Variants in STKLD1 observed in about 807,000 individuals in gnomAD.
STKLD1 encodes serine/threonine kinase-like domain-containing protein STKLD1.
STKLD1 carries 79 observed loss-of-function variants against 80.4 expected under a neutral mutation model. The ratio of observed to expected loss-of-function variants is 0.98; its 90% CI spans 0.82 to 1.19. STKLD1 has a LOEUF of 1.19. Ranked by LOEUF, STKLD1 falls within the 50% of genes most tolerant of loss-of-function variation. The probability of loss-of-function intolerance (pLI) is 0.00; values close to 1 mark genes in which losing one functional copy is unlikely to be tolerated. For synonymous variants in STKLD1, 393 were observed against 357.6 expected (o/e 1.10, Z -1.12); for missense variants, 841 against 856.0 (o/e 0.98, Z 0.22).
chr9:133,385,790 T>C lies in STKLD1; in HGVS notation c.294+99T>C, dbSNP rs1838252059. 1 of 1,126,156 alleles carries C rather than the reference T, an allele frequency of 8.9e-7. No homozygotes were observed. The highest frequency in any genetic ancestry group is 1.5e-5 in the African/African-American group (1 of 65,624). 69.8% of individuals were successfully genotyped at this position (1,126,156 alleles called of 1,614,324 possible). A position where few individuals can be genotyped will look rare whatever the true frequency, so the allele number is the denominator to read the frequency against. ...GCACGCCCACCCCCCACTGTCAGAATAGCTCGTGTGGCAATGGCAGTGACT... is the reference window on the plus strand; with the variant it reads ...GCACGCCCACCCCCCACTGTCAGAACAGCTCGTGTGGCAATGGCAGTGACT... On this transcript the variant is annotated intron_variant, in intron 4 of 17. Transcript: ENST00000371957. The surrounding 1 kb of genome is among the most constrained non-coding windows in gnomAD (Gnocchi z 4.9).
At chr9:133,379,219 C>T (rs2130260115) in intron 2 of STKLD1, 97 bp downstream of exon 2, 98 of 1,053,108 alleles carry the variant, frequency 9.3e-5, no homozygotes, top group Non-Finnish European at 1.3e-4. Context: ...CTTCCTGATG[C>T]GGCAGCTGGA....
chr9:133,381,131 C>T (rs1395171372), intron 2 of STKLD1, among the ~76,000 whole-genome samples: 5 of 69,172 alleles, frequency 7.2e-5, no homozygotes, highest in Admixed American at 3.7e-4. Flanking sequence ...TACGATGTAA[C>T]TTTTTTTTTT....
intron 16 of STKLD1, 149 bp from the exon 17 acceptor site, chr9:133,404,640 C>T (rs1838798622): frequency 9.2e-7 from 1 of 1,083,062 alleles, no homozygotes; most frequent in African/African-American, 1.6e-5. Context: ...GCCTACTGGT[C>T]CGCCCAAGCT....
Position 133,376,454 on chromosome 9 carries a change from G to T in STKLD1, c.-20G>T. On this transcript the variant is annotated 5_prime_UTR_variant, in exon 1 of 18. Coordinates refer to ENST00000371957, the MANE Select transcript of STKLD1 (RefSeq NM_153710.5). ...TGGGGCCAGGGGTGGACGCTCGCCC[G>T]TACGCGGTCGCTACTGATCATGCTT... is the stretch of plus-strand genomic sequence containing the variant. 1 of 1,563,980 alleles carries T rather than the reference G, an allele frequency of 6.4e-7. No individual in the cohort carries two copies. Among genetic ancestry groups the T allele is most frequent in the Non-Finnish European group, 8.6e-7 (1 of 1,157,870 alleles).
rs2130287171 is a variant in STKLD1, at chr9:133,390,722, A to G, written c.509A>G (p.His170Arg). 6.2e-7 allele frequency: 1 copy of G among 1,613,920 alleles called. No homozygotes were observed. The highest frequency in any genetic ancestry group is 1.1e-5 in the South Asian group (1 of 91,082). ...PSNIILISSD[H>R]CKLQDLSSNV... ...AACATCATCCTCATCAGCAGTGACC[A>G]CTGCAAACTGCAGGACCTGAGTTCC... Residue 170 changes from histidine to arginine, a missense_variant, in exon 7 of 18, where the codon CAC becomes CGC. By Grantham distance (29) the His-to-Arg change is conservative (BLOSUM62 0). Coordinates refer to ENST00000371957, the MANE Select transcript of STKLD1 (RefSeq NM_153710.5). This position sits in a 1 kb window ranked among gnomAD's most constrained non-coding sequence, Gnocchi z 5.1.
chr9:133,387,599 A>G, intron 5 of STKLD1, 51 bp downstream of exon 5: 1 of 1,470,950 alleles, frequency 6.8e-7, no homozygotes, highest in Middle Eastern at 1.7e-4. Flanking sequence ...CCTGTGACAC[A>G]GGCCCTGCGG....
At chr9:133,398,550 G>A (rs1462780163) in intron 11 of STKLD1, among the ~76,000 whole-genome samples, 7 of 152,154 alleles carry the variant, frequency 4.6e-5, no homozygotes, top group Admixed American at 3.3e-4. Context: ...AAGCCAAGGC[G>A]GGAGGACTGC....
chr9:133,383,778 T>TGTG (rs1255188750), intron 2 of STKLD1, 78 bp from the exon 3 acceptor site: 3 of 1,367,480 alleles, frequency 2.2e-6, no homozygotes, highest in Non-Finnish European at 3.1e-6. Flanking sequence ...TAATGGTCGT[T>TGTG]GTGGTGGTGG....
rs1486198930 is a variant in STKLD1, at chr9:133,385,920, G to A, written c.294+229G>A. Among the ~76,000 whole-genome samples, 2 of 151,558 alleles carry A rather than the reference G, an allele frequency of 1.3e-5. No individual in the cohort carries two copies. The highest frequency in any genetic ancestry group is 2.9e-5 in the Non-Finnish European group (2 of 67,898). ...AGCCCCAAAAACCTCATCGTCAGGA[G>A]AGTTTTTTTTTTTTTTGGACAAAGT... On this transcript the variant is annotated intron_variant, in intron 4 of 17. Coordinates refer to ENST00000371957, the MANE Select transcript of STKLD1 (RefSeq NM_153710.5). The surrounding 1 kb of genome is among the most constrained non-coding windows in gnomAD (Gnocchi z 4.9).
At chr9:133,400,555 G>A in intron 12 of STKLD1, 26 bp downstream of exon 12, 3 of 1,569,140 alleles carry the variant, frequency 1.9e-6, no homozygotes, top group Non-Finnish European at 2.6e-6. Context: ...GGCCAGATGG[G>A]GTCGGGGAGG....
chr9:133,395,831 A>G, intron 9 of STKLD1, 68 bp downstream of exon 9: 5 of 1,500,536 alleles, frequency 3.3e-6, no homozygotes, highest in Non-Finnish European at 4.6e-6. Flanking sequence ...ACCCTAATAC[A>G]AGCACAGCTA....
At chr9:133,392,141 A>G (rs1270335068) in intron 7 of STKLD1, among the ~76,000 whole-genome samples, 1 of 150,916 alleles carries the variant, frequency 6.6e-6, no homozygotes, top group East Asian at 1.9e-4. Context: ...CAGTAGCGCA[A>G]TCTCGGCTCA....
In STKLD1 at chr9:133,389,420, G is replaced by A; in HGVS notation, c.397-106G>A. 6.6e-7 allele frequency: 1 copy of A among 1,508,412 alleles called. No homozygotes were observed. Among genetic ancestry groups the A allele is most frequent in the African/African-American group, 1.4e-5 (1 of 72,844 alleles). The allele number at this position is 1,508,412 out of a possible 1,614,324, so 93.4% of individuals were successfully genotyped here. ...GCTGGCTTCAGGCCTGTCTCAAGAT[G>A]CAAGGAGAGGATACACCACCATCCT... On this transcript the variant is annotated intron_variant, in intron 5 of 17. Coordinates refer to ENST00000371957, the MANE Select transcript of STKLD1 (RefSeq NM_153710.5). This position sits in a 1 kb window ranked among gnomAD's most constrained non-coding sequence, Gnocchi z 6.4.
chr9:133,391,534 G>C (rs1838398846), intron 7 of STKLD1, among the ~76,000 whole-genome samples: 1 of 151,816 alleles, frequency 6.6e-6, no homozygotes, highest in South Asian at 2.1e-4. Context: ...AAATTCTTCT[G>C]CCTTGGGATC....
intron 1 of STKLD1, among the ~76,000 whole-genome samples, chr9:133,378,776 C>T (rs2130258492): frequency 1.1e-4 from 16 of 152,172 alleles, no homozygotes; most frequent in African/African-American, 3.6e-4. Flanking sequence ...CCAGCTGGTC[C>T]TCATTGCAGG....
chr9:133,402,611 G>T (rs969835529), intron 13 of STKLD1, among the ~76,000 whole-genome samples: 1 of 152,238 alleles, frequency 6.6e-6, no homozygotes, highest in Non-Finnish European at 1.5e-5. Flanking sequence ...GCAGGGTCAG[G>T]CCCCCTGGAT....
At chr9:133,392,612 T>C (rs1838429252) in intron 7 of STKLD1, among the ~76,000 whole-genome samples, 2 of 94,070 alleles carry the variant, frequency 2.1e-5, no homozygotes, top group South Asian at 9.0e-4. Flanking sequence ...GGTGGATGGA[T>C]GGATGGATGG....
At chr9:133,392,603 G>GGA (rs1838428026) in intron 7 of STKLD1, among the ~76,000 whole-genome samples, 3 of 36,536 alleles carry the variant, frequency 8.2e-5, no homozygotes, top group East Asian at 9.3e-4. Context: ...GGATGGATGG[G>GGA]TGGATGGATG....
In STKLD1 at chr9:133,402,914, GGCT is replaced by G. The variant is rs782428249; in HGVS notation, c.1381_1383del (p.Leu461del). 3.8e-6 allele frequency: 6 copies of G among 1,587,580 alleles called. No individual in the cohort carries two copies. In the African/African-American group the frequency reaches 8.1e-5, roughly 21 times the overall value. ...CTGTCAGAGGAGCTGCAGAATGCTG[GGCT>G]GCTGGAGCACATCCTGGAGCACCTC... On this transcript the variant is annotated inframe_deletion, in exon 14 of 18. Coordinates refer to ENST00000371957, the MANE Select transcript of STKLD1 (RefSeq NM_153710.5).
Sources: gnomAD v4.1 joint callset for allele counts (sites outside exome capture counted in the v4.1 genomes callset) on GRCh38, gnomAD v4.1.1 for gene constraint, Gnocchi (gnomAD v3.1) non-coding constraint, MANE v1.5 for transcripts, NCBI Gene and HGNC (gene_info 2026-07-23, HGNC 2026-07-21) for gene names.